The following DYNC2H1 variants were observed in gnomAD, a reference collection of about 807,000 sequenced individuals.
DYNC2H1 encodes cytoplasmic dynein 2 heavy chain 1.
In DYNC2H1, 410 loss-of-function variants were observed where a neutral mutation model predicts 570.0. The ratio of observed to expected loss-of-function variants is 0.72; its 90% confidence interval spans 0.66 to 0.78. The LOEUF (loss-of-function observed/expected upper bound fraction) is 0.78, where lower values mean the gene tolerates loss of function less well. DYNC2H1 is among the 30% of genes least tolerant of loss of function. The pLI is 0.00. For synonymous variants in DYNC2H1, 1,688 were observed against 1,677.6 expected (o/e 1.01, Z -0.15); for missense variants, 4,865 against 5,046.4 (o/e 0.96, Z 1.09).
intron 26 of DYNC2H1, among the ~76,000 whole-genome samples, chr11:103,158,263 C>A (rs577529644): frequency 6.6e-6 from 1 of 151,964 alleles, no homozygotes. Flanking sequence ...GTGGCTAACA[C>A]GGTGAAACCC....
At chr11:103,110,899 C>G (rs950458170) in intron 1 of DYNC2H1, among the ~76,000 whole-genome samples, 1 of 151,822 alleles carries the variant, frequency 6.6e-6, no homozygotes, top group Non-Finnish European at 1.5e-5. Context: ...AATCTTGGCT[C>G]ACTGCAACCT....
rs1865860219 is a variant in DYNC2H1 at position 103,275,128 on chromosome 11, A to G, written c.10696-5220A>G. Among the ~76,000 whole-genome samples the G allele has an allele frequency of 6.6e-6, 1 of 152,180 alleles. No individual in the cohort carries two copies. Among genetic ancestry groups the G allele is most frequent in the African/African-American group, 2.4e-5 (1 of 41,464 alleles). On this transcript the variant is annotated intron_variant, in intron 70 of 88. Coordinates refer to ENST00000375735, the MANE Select transcript of DYNC2H1 (RefSeq NM_001377.3). This position sits in a 1 kb window ranked among gnomAD's most constrained non-coding sequence, Gnocchi z 4.8. ...TAAATAAATAAATAAAATAAAATTT[A>G]TCTATGTAATATTCATTGGCTATGT...
chr11:103,225,865 G>C (rs1186025077), intron 59 of DYNC2H1, among the ~76,000 whole-genome samples: 1 of 152,004 alleles, frequency 6.6e-6, no homozygotes, highest in Non-Finnish European at 1.5e-5. Context: ...TCACAATATC[G>C]ATTCTGCCCA....
intron 83 of DYNC2H1, among the ~76,000 whole-genome samples, chr11:103,383,484 T>TA (rs34529314): frequency 0.053 from 7,961 of 150,662 alleles, 387 homozygotes; most frequent in East Asian, 0.19. Flanking sequence ...CTTTATTTTT[T>TA]TTTTTTTGAG....
At chr11:103,123,533 T>A (rs1339381075) in intron 11 of DYNC2H1, among the ~76,000 whole-genome samples, 1 of 152,206 alleles carries the variant, frequency 6.6e-6, no homozygotes, top group Non-Finnish European at 1.5e-5. Context: ...TAGAGGAAAC[T>A]GAACGGTGTT....
At chr11:103,302,979 A>G in intron 75 of DYNC2H1, 114 bp from the exon 76 acceptor site, 1 of 739,658 alleles carries the variant, frequency 1.4e-6, no homozygotes, top group Non-Finnish European at 1.9e-6. Context: ...TTAATGTATT[A>G]TGAGATTACA....
In DYNC2H1 at chr11:103,241,808, G is replaced by A. The variant is rs1221696490; in HGVS notation, c.9820-1885G>A. Among the ~76,000 whole-genome samples, 1 of 152,092 alleles carries A rather than the reference G, an allele frequency of 6.6e-6. No individual in the cohort carries two copies. Among genetic ancestry groups the A allele is most frequent in the East Asian group, 1.9e-4 (1 of 5,190 alleles). On this transcript the variant is annotated intron_variant, in intron 63 of 88. Coordinates refer to ENST00000375735, the MANE Select transcript of DYNC2H1 (RefSeq NM_001377.3). The surrounding 1 kb of genome is among the most constrained non-coding windows in gnomAD (Gnocchi z 5.1). ...GTGTAACGTGGCAGGAGGTATGATG[G>A]GAGTAGTCTACTGTGGGTGCAAGTG...
At chr11:103,242,100 A>G (rs1864444159) in intron 63 of DYNC2H1, among the ~76,000 whole-genome samples, 1 of 152,074 alleles carries the variant, frequency 6.6e-6, no homozygotes, top group Admixed American at 6.6e-5. Context: ...GATGCCTGAA[A>G]GTTCAGGTAG....
At chr11:103,379,818 G>A (rs959312626) in intron 83 of DYNC2H1, among the ~76,000 whole-genome samples, 2 of 152,172 alleles carry the variant, frequency 1.3e-5, no homozygotes, top group African/African-American at 4.8e-5. Flanking sequence ...GCTCCAGCAT[G>A]CTCCAGAAGC....
At chr11:103,460,837 A>C (rs148348484) in intron 87 of DYNC2H1, among the ~76,000 whole-genome samples, 2 of 151,950 alleles carry the variant, frequency 1.3e-5, no homozygotes, top group African/African-American at 4.8e-5. Flanking sequence ...CCAGTGAGCA[A>C]AATTCTTTTA....
At position 103,171,120 on chromosome 11, in the gene DYNC2H1, TATTACTC is replaced by T. The variant is rs991925029; in HGVS notation, c.5334+55_5334+61del. The T allele has an allele frequency of 8.1e-5, 114 of 1,411,210 alleles. 1 individual carries two copies. The highest frequency in any genetic ancestry group is 1.1e-4 in the Non-Finnish European group (111 of 1,048,646). The allele number at this position is 1,411,210 out of a possible 1,614,324, so 87.4% of individuals were successfully genotyped here. ...AATTAAAATATTTTGTAAGACTTGATATTACTCATACTTAAGCAATATTCTCTTTTTA... is the reference window on the plus strand; with the variant it reads ...AATTAAAATATTTTGTAAGACTTGATATACTTAAGCAATATTCTCTTTTTA... On this transcript the variant is annotated intron_variant, in intron 34 of 88. Coordinates refer to ENST00000375735, the MANE Select transcript of DYNC2H1 (RefSeq NM_001377.3).
chr11:103,473,286 ATTTT>A (rs35681061), intron 88 of DYNC2H1, among the ~76,000 whole-genome samples: 6 of 136,854 alleles, frequency 4.4e-5, no homozygotes, highest in Non-Finnish European at 4.7e-5. Flanking sequence ...CATGAAACAG[ATTTT>A]TTTTTTTTTT....
chr11:103,184,699 T>G (rs1861995196), intron 40 of DYNC2H1, among the ~76,000 whole-genome samples, 197 bp from the exon 41 acceptor site: 1 of 151,932 alleles, frequency 6.6e-6, no homozygotes, highest in Admixed American at 6.6e-5. Flanking sequence ...AAATATATGA[T>G]TGTACTTTCA....
intron 1 of DYNC2H1, among the ~76,000 whole-genome samples, chr11:103,110,831 TTTTTTAGACGCAGTTC>T (rs1419796281): frequency 6.6e-6 from 1 of 152,138 alleles, no homozygotes; most frequent in Non-Finnish European, 1.5e-5. Flanking sequence ...CTTTTTTTTT[TTTTTTAGACGCAGTTC>T]GCAGTTTCGC....
At chr11:103,375,032 G>A (rs948050921) in intron 83 of DYNC2H1, among the ~76,000 whole-genome samples, 1 of 152,206 alleles carries the variant, frequency 6.6e-6, no homozygotes, top group Non-Finnish European at 1.5e-5. Flanking sequence ...TCTTGGGCCA[G>A]GTCTAAGGCC....
chr11:103,218,399 A>G (rs1158109656), intron 55 of DYNC2H1, among the ~76,000 whole-genome samples: 1 of 152,206 alleles, frequency 6.6e-6, no homozygotes. Context: ...CAGAAAATGT[A>G]AATATAATTT....
rs769964753 is a variant in DYNC2H1 at position 103,468,679 on chromosome 11, C to T, written c.12739C>T (p.Pro4247Ser). The T allele has an allele frequency of 1.4e-5, 22 of 1,613,220 alleles. No individual in the cohort carries two copies. Among genetic ancestry groups the T allele is most frequent in the Non-Finnish European group, 1.8e-5 (21 of 1,179,452 alleles). ...TTCTCCCAGCGTGTCATCAGTGCTC[C>T]CTTGTTTTATGGGCTGGATTCCACA... is the stretch of plus-strand genomic sequence containing the variant. ...LDSPSVSSVLPCFMGWIPQDA... is the reference protein window; with the variant it reads ...LDSPSVSSVLSCFMGWIPQDA... The change falls in exon 88 of 89, where the codon CCT becomes TCT. Residue 4247 changes from proline to serine, a missense_variant. Physicochemically the swap from Pro to Ser is moderately conservative, Grantham distance 74. Coordinates refer to ENST00000375735, the MANE Select transcript of DYNC2H1 (RefSeq NM_001377.3).
intron 3 of DYNC2H1, 112 bp downstream of exon 3, chr11:103,114,350 G>C: frequency 8.1e-7 from 1 of 1,234,448 alleles, no homozygotes; most frequent in Non-Finnish European, 1.1e-6. Flanking sequence ...GAATTTCTCT[G>C]AGCATAGGTT....
chr11:103,469,570 T>A (rs527542472), intron 88 of DYNC2H1, among the ~76,000 whole-genome samples: 1 of 152,306 alleles, frequency 6.6e-6, no homozygotes, highest in African/African-American at 2.4e-5. Flanking sequence ...AGAGTATTTA[T>A]TTAAGGAAAA....
Sources: allele counts gnomAD v4.1 joint callset (sites outside exome capture counted in the v4.1 genomes callset), GRCh38; gene constraint gnomAD v4.1.1; non-coding constraint Gnocchi (gnomAD v3.1); transcripts MANE v1.5; gene names NCBI Gene and HGNC (gene_info 2026-07-23, HGNC 2026-07-21).